The following UROS variants were observed in gnomAD, a reference collection of about 807,000 sequenced individuals.
The protein encoded by UROS is uroporphyrinogen III synthase.
Under a neutral mutation model 33.0 loss-of-function variants are expected in UROS, and 18 were observed. That is an observed-to-expected ratio of 0.55 (90% CI 0.38 to 0.81). The LOEUF (loss-of-function observed/expected upper bound fraction) is 0.81. UROS is among the 30% of genes least tolerant of loss of function. UROS has a pLI of 0.00. For missense variants in UROS, 293 were observed against 314.9 expected, an observed-to-expected ratio of 0.93 and a Z score of 0.53; for synonymous variants, 114 against 121.1, an observed-to-expected ratio of 0.94 and a Z score of 0.38.
intron 9 of UROS, among the ~76,000 whole-genome samples, chr10:125,791,187 A>T (rs994093832): frequency 2.6e-5 from 4 of 152,208 alleles, no homozygotes; most frequent in Admixed American, 2.6e-4. Flanking sequence ...AAAGGATTTG[A>T]ATAGATATCT....
chr10:125,806,785 C>T (rs947582), intron 6 of UROS, among the ~76,000 whole-genome samples: 3 of 151,952 alleles, frequency 2.0e-5, no homozygotes, highest in African/African-American at 7.3e-5. Flanking sequence ...ATTCAGGGAA[C>T]AGAGAGGAAG....
chr10:125,801,840 G>A (rs972274869), intron 6 of UROS, among the ~76,000 whole-genome samples: 5 of 152,170 alleles, frequency 3.3e-5, no homozygotes, highest in Non-Finnish European at 7.4e-5. Flanking sequence ...CTTCTGTCTT[G>A]TGTTTGCAAA....
intron 6 of UROS, among the ~76,000 whole-genome samples, chr10:125,800,917 T>G (rs1212801795): frequency 6.6e-6 from 1 of 152,190 alleles, no homozygotes; most frequent in Non-Finnish European, 1.5e-5. Flanking sequence ...CACCCTTCAA[T>G]GTGTCCACAT....
intron 9 of UROS, among the ~76,000 whole-genome samples, chr10:125,789,983 T>C (rs1412398865): frequency 6.6e-6 from 1 of 152,218 alleles, no homozygotes; most frequent in Non-Finnish European, 1.5e-5. Flanking sequence ...GCATCCAACA[T>C]TGGCAGCCCC....
intron 1 of UROS, among the ~76,000 whole-genome samples, chr10:125,817,604 AC>A (rs1185121687): frequency 6.9e-6 from 1 of 144,006 alleles, no homozygotes; most frequent in African/African-American, 2.6e-5. Context: ...TTGCTGAGTG[AC>A]TCAAAGAAGA....
At position 125,796,939 on chromosome 10, in the gene UROS, C is replaced by T. The variant is rs896404015; in HGVS notation, c.476-751G>A. The T allele has an allele frequency of 1.5e-5, 12 of 792,118 alleles. No individual in the cohort carries two copies. The African/African-American group carries it at 2.3e-4, about 15-fold the overall frequency. 49.1% of individuals were successfully genotyped at this position (792,118 alleles called of 1,614,324 possible). Reference sequence around the variant, plus strand: ...ACAGCAACCTATTGCCATTTCATATCCCTGAAAACTAAAGAAATAAACTGA... The same window carrying T: ...ACAGCAACCTATTGCCATTTCATATTCCTGAAAACTAAAGAAATAAACTGA... On this transcript the variant is annotated intron_variant, in intron 7 of 9. Transcript: ENST00000368797.
intron 4 of UROS, among the ~76,000 whole-genome samples, chr10:125,813,728 C>A (rs1445778216): frequency 6.6e-6 from 1 of 152,246 alleles, no homozygotes; most frequent in East Asian, 1.9e-4. Flanking sequence ...ATCTGCCCAC[C>A]TTGGCCTCCC....
In UROS at chr10:125,805,728, C is replaced by T. The variant is rs1260757096; in HGVS notation, c.394+1685G>A. On this transcript the variant is annotated intron_variant, in intron 6 of 9. Coordinates refer to ENST00000368797, the MANE Select transcript of UROS (RefSeq NM_000375.3). Reference sequence around the variant, plus strand: ...TGGCCAGCACAGCTTGCAGTGGACACGATTCTGACTTCATGGGGTGATGGT... The same window carrying T: ...TGGCCAGCACAGCTTGCAGTGGACATGATTCTGACTTCATGGGGTGATGGT... Among the ~76,000 whole-genome samples, 3 of 152,192 alleles carry T rather than the reference C, an allele frequency of 2.0e-5. No homozygotes were observed. The East Asian group carries it at 5.8e-4, about 29-fold the overall frequency.
At chr10:125,793,334 T>C (rs1177571428) in intron 9 of UROS, 1 of 17,668 alleles carries the variant, frequency 5.7e-5, no homozygotes, top group Non-Finnish European at 1.1e-4. Flanking sequence ...CAGCATTGTG[T>C]GACTTGGGGG....
intron 5 of UROS, 66 bp downstream of exon 5, chr10:125,812,148 A>G (rs1396300232): frequency 6.9e-7 from 1 of 1,454,704 alleles, no homozygotes; most frequent in Non-Finnish European, 9.6e-7. Flanking sequence ...ACTGAGTTAA[A>G]CTGTTTTTTA....
At chr10:125,787,066 T>C (rs115443422), downstream of UROS, among the ~76,000 whole-genome samples, 692 of 152,366 alleles carry the variant, frequency 4.5e-3, 3 homozygotes, top group African/African-American at 0.015. Context: ...AACCACGCCC[T>C]GGCGCACTCC....
intron 5 of UROS, among the ~76,000 whole-genome samples, chr10:125,809,609 GA>G (rs931552960): frequency 2.6e-5 from 4 of 151,056 alleles, no homozygotes; most frequent in African/African-American, 4.9e-5. Flanking sequence ...CATTGATAAG[GA>G]AAAAAAAATT....
chr10:125,806,759 T>C (rs1852370801), intron 6 of UROS, among the ~76,000 whole-genome samples: 1 of 152,156 alleles, frequency 6.6e-6, no homozygotes, highest in South Asian at 2.1e-4. Context: ...TGTAAGAGCT[T>C]GCGGTTGTAC....
intron 6 of UROS, chr10:125,801,956 C>A (rs1564786301): frequency 5.3e-6 from 5 of 947,784 alleles, no homozygotes; most frequent in South Asian, 4.9e-5. Flanking sequence ...AATGTCTTCA[C>A]TGAAAACAGG....
chr10:125,812,139 C>T (rs915235681), intron 5 of UROS, 75 bp downstream of exon 5: 5 of 1,399,224 alleles, frequency 3.6e-6, no homozygotes, highest in East Asian at 2.3e-5. Flanking sequence ...TATTTTTAAA[C>T]TGAGTTAAAC....
At chr10:125,812,828 T>C (rs564174493) in intron 4 of UROS, among the ~76,000 whole-genome samples, 58 of 152,350 alleles carry the variant, frequency 3.8e-4, no homozygotes, top group African/African-American at 1.4e-3. Flanking sequence ...CAGAATATTA[T>C]CATTTTATGA....
intron 6 of UROS, among the ~76,000 whole-genome samples, chr10:125,804,193 C>T (rs1477926844): frequency 6.6e-6 from 1 of 152,122 alleles, no homozygotes; most frequent in Non-Finnish European, 1.5e-5. Flanking sequence ...ACCATGTGAT[C>T]AAAGGGTTGG....
intron 7 of UROS, chr10:125,796,659 G>T: frequency 1.8e-6 from 1 of 547,962 alleles, no homozygotes; most frequent in Non-Finnish European, 2.3e-6. Flanking sequence ...GGGCCTCAGT[G>T]TGTCCACTTG....
chr10:125,800,254 C>G (rs939865465), intron 6 of UROS, among the ~76,000 whole-genome samples: 6 of 152,252 alleles, frequency 3.9e-5, no homozygotes, highest in African/African-American at 1.4e-4. Context: ...GACCAGATTG[C>G]TGGTCCCAGA....
Sources: gnomAD v4.1 joint callset for allele counts (sites outside exome capture counted in the v4.1 genomes callset) on GRCh38, gnomAD v4.1.1 for gene constraint, MANE v1.5 for transcripts, NCBI Gene and HGNC (gene_info 2026-07-23, HGNC 2026-07-21) for gene names.